MTPAP: variants seen among roughly 807,000 people sequenced by gnomAD.
MTPAP encodes the protein mitochondrial poly(A) polymerase, also known as poly(A) RNA polymerase, mitochondrial.
A neutral mutation model predicts 48.7 loss-of-function variants in MTPAP; 23 were observed. That is an observed-to-expected ratio of 0.47 (90% CI 0.34 to 0.67). MTPAP has a LOEUF of 0.67. Ranked by LOEUF, MTPAP falls within the 30% of genes least tolerant of loss-of-function variation. The pLI is 0.01. For synonymous variants in MTPAP, 257 were observed against 254.1 expected (o/e 1.01, Z -0.11); for missense variants, 614 against 694.3 (o/e 0.88, Z 1.30).
At chr10:30,347,116 A>C (rs755412810) in intron 1 of MTPAP, among the ~76,000 whole-genome samples, 1 of 152,244 alleles carries the variant, frequency 6.6e-6, no homozygotes, top group Non-Finnish European at 1.5e-5. Flanking sequence ...TGTATCAGAA[A>C]GAATCCCGAA....
rs995162032 is a variant in MTPAP, at chr10:30,310,799, T to TG, written c.*2809dup. 2 of 151,048 alleles carry TG rather than the reference T, an allele frequency of 1.3e-5. No homozygotes were observed. Among genetic ancestry groups the TG allele is most frequent in the African/African-American group, 4.9e-5 (2 of 40,920 alleles). 9.4% of individuals were successfully genotyped at this position (151,048 alleles called of 1,614,324 possible). On this transcript the variant is annotated 3_prime_UTR_variant, in exon 9 of 9. Transcript: ENST00000263063. ...CTGTAATCCCAGTTACTTGGGAGGC[T>TG]GGGGCAGGAGTATCGCTTGAACCCA...
At position 30,323,670 on chromosome 10, in the gene MTPAP, C is replaced by T. The variant is rs577940856; in HGVS notation, c.993-1053G>A. On this transcript the variant is annotated intron_variant, in intron 5 of 8. Coordinates refer to ENST00000263063, the MANE Select transcript of MTPAP (RefSeq NM_018109.4). Reference sequence around the variant, plus strand: ...GACTACAGGCGCCCACCACCACGCCCGGCTAATTTTTTTGTATTTTTAGTA... The same window carrying T: ...GACTACAGGCGCCCACCACCACGCCTGGCTAATTTTTTTGTATTTTTAGTA... Among the ~76,000 whole-genome samples the T allele has an allele frequency of 3.5e-4, 53 of 152,064 alleles. No individual in the cohort carries two copies. The East Asian group carries it at 5.1e-3, about 15-fold the overall frequency.
At chr10:30,318,134 C>T (rs1394882509) in intron 6 of MTPAP, among the ~76,000 whole-genome samples, 1 of 152,326 alleles carries the variant, frequency 6.6e-6, no homozygotes, top group East Asian at 1.9e-4. Flanking sequence ...GCTAGGATTA[C>T]AGGCGTGAGC....
At chr10:30,346,114 G>A (rs923493382) in intron 1 of MTPAP, among the ~76,000 whole-genome samples, 5 of 151,636 alleles carry the variant, frequency 3.3e-5, no homozygotes, top group African/African-American at 1.2e-4. Flanking sequence ...ATGCATGCAC[G>A]TAATGGGGGA....
chr10:30,342,195 C>T (rs1834818054), intron 1 of MTPAP, among the ~76,000 whole-genome samples: 1 of 152,030 alleles, frequency 6.6e-6, no homozygotes, highest in African/African-American at 2.4e-5. Context: ...GAGATTGCAC[C>T]ACTGCACTCC....
chr10:30,312,723 C>G lies in MTPAP; in HGVS notation c.*886G>C, dbSNP rs1840611114. 1 of 151,550 alleles carries G rather than the reference C, an allele frequency of 6.6e-6. No individual in the cohort carries two copies. The highest frequency in any genetic ancestry group is 2.4e-5 in the African/African-American group (1 of 41,232). 9.4% of individuals were successfully genotyped at this position (151,550 alleles called of 1,614,324 possible). A position where few individuals can be genotyped will look rare whatever the true frequency, so the allele number is the denominator to read the frequency against. On this transcript the variant is annotated 3_prime_UTR_variant, in exon 9 of 9. Coordinates refer to ENST00000263063, the MANE Select transcript of MTPAP (RefSeq NM_018109.4). ...CAGATCTGGGTGTACGTGGATGGTC[C>G]TGGAACCAATTTTCTGCATATACTG...
chr10:30,349,043 G>T (rs999573185), intron 1 of MTPAP, 76 bp downstream of exon 1: 2 of 1,605,802 alleles, frequency 1.2e-6, no homozygotes, highest in Non-Finnish European at 8.5e-7. Flanking sequence ...CGTTTCCACA[G>T]GCCACGTGTT....
intron 1 of MTPAP, among the ~76,000 whole-genome samples, chr10:30,342,519 C>G (rs1006232544): frequency 8.3e-6 from 1 of 120,560 alleles, no homozygotes; most frequent in African/African-American, 2.9e-5. Context: ...ATGCTTGATG[C>G]AAAGTGCTGA....
chr10:30,340,222 T>G lies in MTPAP; in HGVS notation c.555+4A>C. The G allele has an allele frequency of 6.2e-7, 1 of 1,609,372 alleles. No homozygotes were observed. Among genetic ancestry groups the G allele is most frequent in the African/African-American group, 1.3e-5 (1 of 74,942 alleles). On this transcript the variant is annotated splice_donor_region_variant and intron_variant, in intron 3 of 8. Coordinates refer to ENST00000263063, the MANE Select transcript of MTPAP (RefSeq NM_018109.4). The stretch of plus-strand genomic sequence containing the variant: ...TAAAAGTTGAGGTACACCTAAAAAC[T>G]TACACTTTCTGCATAACAAAGTAAT...
rs772016397 is a variant in MTPAP, at chr10:30,336,847, T to A, written c.736A>T (p.Met246Leu). The A allele has an allele frequency of 6.2e-6, 10 of 1,612,544 alleles. No individual in the cohort carries two copies. The highest frequency in any genetic ancestry group is 8.5e-6 in the Non-Finnish European group (10 of 1,179,972). Residue 246 changes from methionine to leucine, a missense_variant, in exon 4 of 9, where the codon ATG becomes TTG. Met to Leu is a conservative substitution (Grantham distance 15). Coordinates refer to ENST00000263063, the MANE Select transcript of MTPAP (RefSeq NM_018109.4). Reference protein sequence around the residue: ...TFGKLGCDLDMFLDLDETRNL... With the variant: ...TFGKLGCDLDLFLDLDETRNL... ...CTGGTTTCATCTAGATCCAAAAACATGTCCAAATCACATCCTAACTTCCCA... is the reference window on the plus strand; with the variant it reads ...CTGGTTTCATCTAGATCCAAAAACAAGTCCAAATCACATCCTAACTTCCCA...
intron 5 of MTPAP, 48 bp downstream of exon 5, chr10:30,326,376 A>C: frequency 6.7e-7 from 1 of 1,500,452 alleles, no homozygotes; most frequent in South Asian, 1.2e-5. Context: ...CACTAAGCTA[A>C]TATATCAGAA....
chr10:30,334,655 C>A (rs986606417), intron 4 of MTPAP, among the ~76,000 whole-genome samples: 6 of 151,348 alleles, frequency 4.0e-5, no homozygotes, highest in African/African-American at 1.5e-4. Context: ...AGTGAAGCTC[C>A]GTCTTAAAAA....
chr10:30,311,398 T>A lies in MTPAP; in HGVS notation c.*2211A>T, dbSNP rs1840590760. On this transcript the variant is annotated 3_prime_UTR_variant, in exon 9 of 9. Transcript: ENST00000263063. ...TGACATAAAATTTAAATGGGAAAAATTTTTAAAGTACTACAAACTCTAAAT... is the reference window on the plus strand; with the variant it reads ...TGACATAAAATTTAAATGGGAAAAAATTTTAAAGTACTACAAACTCTAAAT... 6.6e-6 allele frequency: 1 copy of A among 152,054 alleles called. No homozygotes were observed. The highest frequency in any genetic ancestry group is 1.5e-5 in the Non-Finnish European group (1 of 68,008). 9.4% of individuals were successfully genotyped at this position (152,054 alleles called of 1,614,324 possible).
In MTPAP at chr10:30,324,694, C is replaced by T. The variant is rs144684637; in HGVS notation, c.992+1730G>A. Among the ~76,000 whole-genome samples, 12 of 152,240 alleles carry T rather than the reference C, an allele frequency of 7.9e-5. No individual in the cohort carries two copies. The East Asian group carries it at 1.9e-3, about 24-fold the overall frequency. On this transcript the variant is annotated intron_variant, in intron 5 of 8. Coordinates refer to ENST00000263063, the MANE Select transcript of MTPAP (RefSeq NM_018109.4). ...CATCAAGTTAAAACTGTCTCTAAAA[C>T]TGTCTTTAAAAAGAATAGAAGAAAC...
chr10:30,320,279 A>T (rs1278228957), intron 6 of MTPAP, among the ~76,000 whole-genome samples: 1 of 149,006 alleles, frequency 6.7e-6, no homozygotes, highest in African/African-American at 2.5e-5. Flanking sequence ...TGTAATCCCA[A>T]CACTTTGGGA....
Position 30,332,801 on chromosome 10 carries a change from G to A in MTPAP, c.780+4002C>T, listed in dbSNP as rs1047576596. Among the ~76,000 whole-genome samples the A allele has an allele frequency of 9.9e-5, 15 of 151,850 alleles. 1 individual carries two copies. Among genetic ancestry groups the A allele is most frequent in the Admixed American group, 5.3e-4 (8 of 15,236 alleles). On this transcript the variant is annotated intron_variant, in intron 4 of 8. Transcript: ENST00000263063. ...TGTTCGAGACTATCCTGGGTACCGT[G>A]GTGAAACAACGAGTCAATAAGAAAA...
chr10:30,349,173 T>C lies in MTPAP; in HGVS notation c.103A>G (p.Thr35Ala). ...TCTCTCCTAAGGTCTTTGGCCACAG[T>C]TCCTGGGCAACTCAAAAGCCTGACG... ...PIVRLLSCPGTVAKDLRRDEQ... is the reference protein window; with the variant it reads ...PIVRLLSCPGAVAKDLRRDEQ... Residue 35 changes from threonine (T) to alanine (A), a missense_variant, in exon 1 of 9, where the codon ACT becomes GCT. Transcript: ENST00000263063. 1 of 1,612,832 alleles carries C rather than the reference T, an allele frequency of 6.2e-7. No individual in the cohort carries two copies.
chr10:30,347,473 T>C (rs1249135773), intron 1 of MTPAP, among the ~76,000 whole-genome samples: 4 of 152,260 alleles, frequency 2.6e-5, no homozygotes, highest in African/African-American at 9.6e-5. Context: ...GAGGATTTTG[T>C]TATTTCCTGC....
At chr10:30,324,551 C>A (rs1386837203) in intron 5 of MTPAP, among the ~76,000 whole-genome samples, 1 of 151,780 alleles carries the variant, frequency 6.6e-6, no homozygotes. Context: ...GAGACACTGT[C>A]TCTAAAAAAG....
Sources: allele counts gnomAD v4.1 joint callset (sites outside exome capture counted in the v4.1 genomes callset), GRCh38; gene constraint gnomAD v4.1.1; transcripts MANE v1.5; gene names NCBI Gene and HGNC (gene_info 2026-07-23, HGNC 2026-07-21).